TPTE2: variants seen among roughly 807,000 people sequenced by gnomAD.
TPTE2 encodes the protein transmembrane phosphoinositide 3-phosphatase and tensin homolog 2, also known as phosphatidylinositol 3,4,5-trisphosphate 3-phosphatase TPTE2.
A neutral mutation model predicts 78.6 loss-of-function variants in TPTE2; 53 were observed. The observed-to-expected ratio is 0.67, with a 90% CI of 0.54 to 0.85. TPTE2 has a LOEUF of 0.85. Ranked by LOEUF, TPTE2 falls within the 40% of genes least tolerant of loss-of-function variation. The pLI, the probability that TPTE2 is intolerant of heterozygous loss-of-function variation, is 0.00. For missense variants in TPTE2, 461 were observed against 623.0 expected (o/e 0.74, Z 2.77); for synonymous variants, 175 against 206.2 (o/e 0.85, Z 1.30).
chr13:19,456,327 T>G (rs1230443125), intron 10 of TPTE2, among the ~76,000 whole-genome samples: 1 of 152,018 alleles, frequency 6.6e-6, no homozygotes, highest in Non-Finnish European at 1.5e-5. Context: ...CAAAAATTAA[T>G]TAAAAAAATT....
chr13:19,499,205 C>A (rs186943323), intron 1 of TPTE2, among the ~76,000 whole-genome samples: 1 of 152,272 alleles, frequency 6.6e-6, no homozygotes, highest in African/African-American at 2.4e-5. Context: ...TAATGGGACA[C>A]TTTAACACCC....
Position 19,465,635 on chromosome 13 carries a change from G to A in TPTE2, c.513-71C>T. On this transcript the variant is annotated intron_variant, in intron 7 of 19. Transcript: ENST00000400230. ...TTTATCAATATAAACTATGTCTAGA[G>A]CAGCAGTTGTTAACCAGAGGCAATT... The A allele has an allele frequency of 7.7e-6, 10 of 1,305,590 alleles. No homozygotes were observed. In the South Asian group the frequency reaches 1.5e-4, roughly 20 times the overall value. The allele number at this position is 1,305,590 out of a possible 1,614,324, so 80.9% of individuals were successfully genotyped here.
At chr13:19,560,219 G>A in the TPTE2 span, 1 of 827,842 alleles carries the variant, frequency 1.2e-6, no homozygotes, top group East Asian at 2.8e-5. Context: ...AGGGCCTCGT[G>A]CGGAGCTTCT....
At chr13:19,561,245 C>G in the TPTE2 span, 3 of 1,300,962 alleles carry the variant, frequency 2.3e-6, no homozygotes, top group African/African-American at 3.0e-5. Context: ...CTGCCCACCA[C>G]CTGGCTGGAC....
At chr13:19,479,734 T>G (rs1344122389) in intron 4 of TPTE2, among the ~76,000 whole-genome samples, 1 of 151,902 alleles carries the variant, frequency 6.6e-6, no homozygotes, top group Admixed American at 6.6e-5. Context: ...GTGGCCAAGG[T>G]GGGCGGATCA....
the TPTE2 span, among the ~76,000 whole-genome samples, chr13:19,553,043 G>C: frequency 0.79 from 116,731 of 147,758 alleles, 47,560 homozygotes; most frequent in East Asian, 0.96. Flanking sequence ...TAAAGTCTAG[G>C]CTGTTTATCT....
chr13:19,444,190 T>C (rs1412863492), intron 13 of TPTE2, among the ~76,000 whole-genome samples: 2 of 151,092 alleles, frequency 1.3e-5, no homozygotes, highest in East Asian at 2.0e-4. Flanking sequence ...CCTGCAGTGC[T>C]AGCTACTCAA....
intron 1 of TPTE2, among the ~76,000 whole-genome samples, chr13:19,532,158 G>A (rs1870923182): frequency 6.6e-6 from 1 of 152,166 alleles, no homozygotes; most frequent in Admixed American, 6.6e-5. Flanking sequence ...GCCACTCATA[G>A]ACAGGTCTCC....
chr13:19,519,953 A>T (rs1264949765), intron 1 of TPTE2, among the ~76,000 whole-genome samples: 1 of 151,946 alleles, frequency 6.6e-6, no homozygotes, highest in Non-Finnish European at 1.5e-5. Flanking sequence ...ACTTTCAATA[A>T]TGTTTTGTAG....
the TPTE2 span, among the ~76,000 whole-genome samples, chr13:19,547,725 A>ATATATATATATATATATG: frequency 1.4e-5 from 2 of 142,944 alleles, no homozygotes; most frequent in Non-Finnish European, 3.0e-5. Context: ...ATATACATAT[A>ATATATATATATATATATG]TATATATATA....
At chr13:19,539,623 T>A (rs1313905539), upstream of TPTE2, among the ~76,000 whole-genome samples, 1 of 152,168 alleles carries the variant, frequency 6.6e-6, no homozygotes, top group Non-Finnish European at 1.5e-5. Flanking sequence ...CGTGTCAAAT[T>A]TCCATATACT....
chr13:19,451,831 G>T (rs1487882544), intron 10 of TPTE2, among the ~76,000 whole-genome samples: 1 of 120,114 alleles, frequency 8.3e-6, no homozygotes, highest in African/African-American at 2.7e-5. Context: ...GTGTGTGTGT[G>T]TGTGTGTGTG....
At chr13:19,496,520 GC>G (rs1471370851) in intron 1 of TPTE2, among the ~76,000 whole-genome samples, 1 of 152,174 alleles carries the variant, frequency 6.6e-6, no homozygotes. Context: ...CAGGCTAGTA[GC>G]TGTGGGTCTA....
chr13:19,525,956 T>C (rs1208706624), intron 1 of TPTE2, among the ~76,000 whole-genome samples: 1 of 151,976 alleles, frequency 6.6e-6, no homozygotes, highest in Non-Finnish European at 1.5e-5. Flanking sequence ...ACATCACTAA[T>C]ACTAGAGAAA....
intron 13 of TPTE2, among the ~76,000 whole-genome samples, chr13:19,441,284 A>C (rs929922123): frequency 9.2e-5 from 14 of 152,084 alleles, no homozygotes; most frequent in African/African-American, 3.4e-4. Context: ...ACAGCAGAAA[A>C]GGGCACAGGT....
intron 10 of TPTE2, among the ~76,000 whole-genome samples, chr13:19,463,217 A>C (rs1003701755): frequency 2.0e-5 from 3 of 151,886 alleles, no homozygotes; most frequent in Admixed American, 6.6e-5. Flanking sequence ...CCTGGCCTCA[A>C]GTGATCCACT....
chr13:19,481,241 G>A (rs907388156), intron 4 of TPTE2, among the ~76,000 whole-genome samples: 11 of 152,126 alleles, frequency 7.2e-5, no homozygotes, highest in African/African-American at 2.4e-4. Flanking sequence ...ATTATTTTCA[G>A]TTTTTAGAAT....
At chr13:19,425,161 T>C (rs1176253674) in intron 18 of TPTE2, 144 bp from the exon 22 acceptor site, 1 of 478,108 alleles carries the variant, frequency 2.1e-6, no homozygotes, top group Non-Finnish European at 3.7e-6. Flanking sequence ...TCTATAACAA[T>C]ACACTCAAGA....
At chr13:19,544,711 C>T in the TPTE2 span, among the ~76,000 whole-genome samples, 3 of 152,058 alleles carry the variant, frequency 2.0e-5, no homozygotes, top group Non-Finnish European at 4.4e-5. Context: ...GCCTGGGCAA[C>T]CTGACAAAAC....
Sources: gnomAD v4.1 joint callset for allele counts (sites outside exome capture counted in the v4.1 genomes callset) on GRCh38, gnomAD v4.1.1 for gene constraint, MANE v1.5 for transcripts, NCBI Gene and HGNC (gene_info 2026-07-23, HGNC 2026-07-21) for gene names.